The following SPIRE1 variants were observed in gnomAD, a reference collection of about 807,000 sequenced individuals.
The protein encoded by SPIRE1 is spire type actin nucleation factor 1.
Under a neutral mutation model 94.1 loss-of-function variants are expected in SPIRE1, and 40 were observed. That is an observed-to-expected ratio of 0.43 (90% CI 0.33 to 0.55). The LOEUF (loss-of-function observed/expected upper bound fraction) is 0.55, where lower values mean the gene tolerates loss of function less well. Ranked by LOEUF, SPIRE1 falls within the 20% of genes least tolerant of loss-of-function variation. SPIRE1 has a pLI of 0.06. For synonymous variants in SPIRE1, 376 were observed against 371.7 expected (o/e 1.01, Z -0.13); for missense variants, 838 against 975.2 (o/e 0.86, Z 1.87).
chr18:12,578,312 AG>A (rs2036165591), intron 2 of SPIRE1, among the ~76,000 whole-genome samples: 1 of 152,382 alleles, frequency 6.6e-6, no homozygotes, highest in Non-Finnish European at 1.5e-5. Flanking sequence ...GTTCATCAAC[AG>A]ATGAATGGAT....
At chr18:12,517,920 T>C (rs921580906) in intron 4 of SPIRE1, among the ~76,000 whole-genome samples, 1 of 152,222 alleles carries the variant, frequency 6.6e-6, no homozygotes, top group South Asian at 2.1e-4. Context: ...CCATTTAAAC[T>C]ATCTTATTTC....
intron 1 of SPIRE1, among the ~76,000 whole-genome samples, chr18:12,639,384 A>G (rs2038024002): frequency 6.6e-6 from 1 of 152,182 alleles, no homozygotes; most frequent in Admixed American, 6.6e-5. Flanking sequence ...GAACTTGTCA[A>G]GTGTAAATCC....
intron 2 of SPIRE1, among the ~76,000 whole-genome samples, chr18:12,606,681 C>A (rs1357017259): frequency 6.6e-6 from 1 of 152,138 alleles, no homozygotes; most frequent in African/African-American, 2.4e-5. Flanking sequence ...CAAGCATGCA[C>A]CACCATGCCC....
intron 1 of SPIRE1, chr18:12,653,571 A>G (rs1166596255): frequency 1.3e-5 from 2 of 152,260 alleles, no homozygotes; most frequent in Non-Finnish European, 2.9e-5. Context: ...TTCATTCCAC[A>G]ACACTACTAA....
intron 10 of SPIRE1, among the ~76,000 whole-genome samples, chr18:12,477,913 T>A (rs997841678): frequency 2.6e-5 from 4 of 151,964 alleles, no homozygotes; most frequent in Admixed American, 1.3e-4. Context: ...GGGATGCAAA[T>A]TTTATTCTGT....
intron 2 of SPIRE1, among the ~76,000 whole-genome samples, chr18:12,567,310 A>G (rs1446153027): frequency 6.6e-6 from 1 of 152,226 alleles, no homozygotes; most frequent in East Asian, 1.9e-4. Flanking sequence ...ATACTGATGA[A>G]CAAAATGAAA....
chr18:12,546,838 T>G lies in SPIRE1; in HGVS notation c.439A>C (p.Arg147=). ...TGCTCTAGGGGAGGGCTTAATTCCC[T>G]TTCTTCATTCTCCTTCAAACCATAG... ...LDYGLKENEE[R]ELSPPLEQLI... The change falls in exon 3 of 17, where the codon AGG becomes CGG. Residue 147 remains arginine (R), a synonymous_variant. Transcript: ENST00000409402. 1 of 1,614,112 alleles carries G rather than the reference T, an allele frequency of 6.2e-7. No homozygotes were observed. The highest frequency in any genetic ancestry group is 8.5e-7 in the Non-Finnish European group (1 of 1,180,004).
rs140500966 is a variant in SPIRE1, at chr18:12,453,279, T to C, written c.1777-141A>G. ...GAAGACAATTCAGAAATCCTGTTTA[T>C]AACAGCTGGCTCTGTGATGCTGATA... On this transcript the variant is annotated intron_variant, in intron 13 of 16. Transcript: ENST00000409402. The C allele has an allele frequency of 1.9e-3, 1,064 of 555,686 alleles. 6 individuals are homozygous for C. The highest frequency in any genetic ancestry group is 4.2e-3 in the South Asian group (153 of 36,458). 34.4% of individuals were successfully genotyped at this position (555,686 alleles called of 1,614,324 possible). A position where few individuals can be genotyped will look rare whatever the true frequency, so the allele number is the denominator to read the frequency against.
At chr18:12,463,660 C>T (rs1156272140) in intron 11 of SPIRE1, among the ~76,000 whole-genome samples, 167 bp from the exon 12 acceptor site, 2 of 152,090 alleles carry the variant, frequency 1.3e-5, no homozygotes, top group East Asian at 1.9e-4. Context: ...AGGGCTGTTA[C>T]AGAAGAATCT....
intron 2 of SPIRE1, among the ~76,000 whole-genome samples, chr18:12,553,932 C>T (rs2035427074): frequency 6.6e-6 from 1 of 152,004 alleles, no homozygotes; most frequent in African/African-American, 2.4e-5. Flanking sequence ...ATAAAATTGA[C>T]AAACCTTTAG....
At chr18:12,659,522 T>C (rs973650172), upstream of SPIRE1, among the ~76,000 whole-genome samples, 1 of 151,752 alleles carries the variant, frequency 6.6e-6, no homozygotes, top group Admixed American at 6.6e-5. Flanking sequence ...CAAAGAAAAT[T>C]AGCCGAGTGT....
At chr18:12,640,795 T>C (rs1235269695) in intron 1 of SPIRE1, among the ~76,000 whole-genome samples, 2 of 152,264 alleles carry the variant, frequency 1.3e-5, no homozygotes, top group East Asian at 3.9e-4. Context: ...ACATAAACTG[T>C]GTTTAGACAG....
chr18:12,655,551 GAGAATTATA>G (rs1598592299), intron 1 of SPIRE1, among the ~76,000 whole-genome samples: 1 of 152,300 alleles, frequency 6.6e-6, no homozygotes, highest in Admixed American at 6.5e-5. Context: ...AACTGAGAAA[GAGAATTATA>G]AACCTATTGC....
rs574399735 is a variant in SPIRE1 at position 12,656,702 on chromosome 18, C to T, written c.337+828G>A. 3.4e-4 allele frequency: 333 copies of T among 976,460 alleles called. 1 individual carries two copies. In the African/African-American group the frequency reaches 5.5e-3, roughly 16 times the overall value. 60.5% of individuals were successfully genotyped at this position (976,460 alleles called of 1,614,324 possible). A position where few individuals can be genotyped will look rare whatever the true frequency, so the allele number is the denominator to read the frequency against. On this transcript the variant is annotated intron_variant, in intron 1 of 16. Coordinates refer to ENST00000409402, the MANE Select transcript of SPIRE1 (RefSeq NM_001128626.2). ...ACTGATGGGAGAAACCTTTTCTCAA[C>T]CTCCTCCTCCTCTTCAATGAGCATC...
chr18:12,651,671 T>C (rs895804893), intron 1 of SPIRE1, among the ~76,000 whole-genome samples: 1 of 151,976 alleles, frequency 6.6e-6, no homozygotes, highest in African/African-American at 2.4e-5. Flanking sequence ...AGACTCCATC[T>C]CAAAAAAACA....
chr18:12,482,004 A>G (rs1191055292), intron 9 of SPIRE1, among the ~76,000 whole-genome samples: 1 of 152,098 alleles, frequency 6.6e-6, no homozygotes, highest in African/African-American at 2.4e-5. Flanking sequence ...TCTAATTACT[A>G]TAATTGGAGT....
chr18:12,635,311 GA>G (rs544982839), intron 1 of SPIRE1, among the ~76,000 whole-genome samples: 1 of 151,866 alleles, frequency 6.6e-6, no homozygotes, highest in African/African-American at 2.4e-5. Flanking sequence ...AAAAAGGTGA[GA>G]AAAAAATGCT....
At chr18:12,589,736 T>C (rs2036478996) in intron 2 of SPIRE1, among the ~76,000 whole-genome samples, 1 of 152,168 alleles carries the variant, frequency 6.6e-6, no homozygotes, top group Non-Finnish European at 1.5e-5. Flanking sequence ...TCCTTCTGGT[T>C]CTCATTCAAT....
chr18:12,638,739 C>T (rs1392344958), intron 1 of SPIRE1, among the ~76,000 whole-genome samples: 2 of 152,120 alleles, frequency 1.3e-5, no homozygotes, highest in Non-Finnish European at 2.9e-5. Flanking sequence ...CACCATCCAT[C>T]CCCCTAGTGC....
Sources: allele counts gnomAD v4.1 joint callset (sites outside exome capture counted in the v4.1 genomes callset), GRCh38; gene constraint gnomAD v4.1.1; transcripts MANE v1.5; gene names NCBI Gene and HGNC (gene_info 2026-07-23, HGNC 2026-07-21).